INIP: variants seen among roughly 807,000 people sequenced by gnomAD.
INIP encodes the protein INTS3 and NABP interacting protein, also known as SOSS complex subunit C.
A neutral mutation model predicts 14.0 loss-of-function variants in INIP; 9 were observed. The ratio of observed to expected loss-of-function variants is 0.64; its 90% CI spans 0.39 to 1.12. INIP has a LOEUF of 1.12. Among genes scored for constraint, INIP ranks in the 50% most tolerant of loss-of-function variants. INIP has a pLI of 0.01. For synonymous variants in INIP, 37 were observed against 41.5 expected, an observed-to-expected ratio of 0.89 and a Z score of 0.41; for missense variants, 78 against 122.7, an observed-to-expected ratio of 0.64 and a Z score of 1.72.
chr9:112,704,227 G>C lies in INIP; in HGVS notation c.26-9994C>G, dbSNP rs552991294. Among the ~76,000 whole-genome samples, 7 of 152,280 alleles carry C rather than the reference G, an allele frequency of 4.6e-5. No individual in the cohort carries two copies. In the East Asian group the frequency reaches 1.4e-3, roughly 29 times the overall value. On this transcript the variant is annotated intron_variant, in intron 2 of 4. Transcript: ENST00000374242. The stretch of plus-strand genomic sequence containing the variant: ...AATATGTATTTTTAAAGAAGACGCA[G>C]TGGCTGATGAGTTTGATCACACACA...
intron 1 of INIP, among the ~76,000 whole-genome samples, 172 bp from the exon 2 acceptor site, chr9:112,716,713 G>A (rs1486747669): frequency 6.6e-6 from 1 of 152,010 alleles, no homozygotes; most frequent in African/African-American, 2.4e-5. Flanking sequence ...TTGGGAGGCC[G>A]AGGCGGGCGG....
intron 2 of INIP, among the ~76,000 whole-genome samples, chr9:112,706,679 C>T (rs1838479472): frequency 6.6e-6 from 1 of 152,146 alleles, no homozygotes. Context: ...CCCATATAGT[C>T]TCCTGATATA....
At chr9:112,705,110 CAAAAAAAAAAAAA>C (rs1194911436) in intron 2 of INIP, among the ~76,000 whole-genome samples, 1 of 46,040 alleles carries the variant, frequency 2.2e-5, no homozygotes, top group East Asian at 6.3e-4. Flanking sequence ...GACCCTGTCT[CAAAAAAAAAAAAA>C]AAAAAAAAAA....
At position 112,684,221 on chromosome 9, in the gene INIP, TA is replaced by T. The variant is rs1403528166; in HGVS notation, c.*3316del. On this transcript the variant is annotated 3_prime_UTR_variant, in exon 5 of 5. Transcript: ENST00000374242. ...AATTCTTGCTCTCTAAGACTTTACA[TA>T]CTAGTGGAACAGACAATAGACAAAA... 6.6e-6 allele frequency: 1 copy of T among 152,028 alleles called. No homozygotes were observed. The highest frequency in any genetic ancestry group is 6.6e-5 in the Admixed American group (1 of 15,262). The allele number at this position is 152,028 out of a possible 1,614,324, so 9.4% of individuals were successfully genotyped here.
At chr9:112,698,567 A>T (rs1367008605) in intron 2 of INIP, among the ~76,000 whole-genome samples, 1 of 152,216 alleles carries the variant, frequency 6.6e-6, no homozygotes, top group Non-Finnish European at 1.5e-5. Flanking sequence ...TTACAAGTCC[A>T]CTGATTTAGA....
In INIP at chr9:112,687,610, T is replaced by C; in HGVS notation, c.243A>G (p.Gly81=). 1 of 1,592,488 alleles carries C rather than the reference T, an allele frequency of 6.3e-7. No individual in the cohort carries two copies. The highest frequency in any genetic ancestry group is 1.3e-5 in the African/African-American group (1 of 74,812). The change falls in exon 5 of 5, where the codon GGA becomes GGG. Residue 81 remains glycine, a synonymous_variant. Coordinates refer to ENST00000374242, the MANE Select transcript of INIP (RefSeq NM_021218.3). ...ALQHAHAHSS[G]YFITQDSAFG... is the part of the protein sequence containing the mutation. ...ATGCAGAGTCTTGAGTGATGAAGTA[T>C]CCAGATGAATGTGCATGAGCATGCT...
chr9:112,693,253 TA>T (rs1837957768), intron 3 of INIP, among the ~76,000 whole-genome samples: 2 of 152,004 alleles, frequency 1.3e-5, no homozygotes, highest in Admixed American at 1.3e-4. Context: ...TGCTTAAAAA[TA>T]AAAATAAAAG....
chr9:112,702,152 G>C (rs1010219598), intron 2 of INIP, among the ~76,000 whole-genome samples: 45 of 152,140 alleles, frequency 3.0e-4, no homozygotes, highest in African/African-American at 1.0e-3. Context: ...TTTGTCATGA[G>C]CAAAGTAAAT....
intron 2 of INIP, among the ~76,000 whole-genome samples, chr9:112,697,316 C>T (rs1038910689): frequency 2.0e-5 from 3 of 152,158 alleles, no homozygotes; most frequent in African/African-American, 7.2e-5. Flanking sequence ...CAAGACTAGC[C>T]TGGGCAACTT....
intron 2 of INIP, among the ~76,000 whole-genome samples, chr9:112,706,295 G>A (rs577447593): frequency 6.6e-6 from 1 of 152,256 alleles, no homozygotes; most frequent in African/African-American, 2.4e-5. Flanking sequence ...CAGTTTGGAG[G>A]TTCCTCAAAA....
intron 4 of INIP, among the ~76,000 whole-genome samples, chr9:112,688,310 C>T (rs1837756199): frequency 6.6e-6 from 1 of 151,942 alleles, no homozygotes; most frequent in South Asian, 2.1e-4. Flanking sequence ...AAACAAGTAT[C>T]AAAGATCCCA....
chr9:112,687,694 C>A, intron 4 of INIP, 61 bp from the exon 5 acceptor site: 1 of 947,984 alleles, frequency 1.1e-6, no homozygotes, highest in Non-Finnish European at 1.6e-6. Context: ...AATTCTTCGA[C>A]CAAGGCATTA....
intron 2 of INIP, among the ~76,000 whole-genome samples, chr9:112,705,847 G>A (rs1838446234): frequency 6.6e-6 from 1 of 152,142 alleles, no homozygotes; most frequent in Non-Finnish European, 1.5e-5. Context: ...AGGTTAAGAA[G>A]GAGCCATATA....
intron 2 of INIP, among the ~76,000 whole-genome samples, chr9:112,700,518 A>ATATAT (rs1314628341): frequency 0.011 from 1,554 of 139,696 alleles, 30 homozygotes; most frequent in African/African-American, 0.041. Context: ...TAAATTAGGT[A>ATATAT]TATATAATAT....
intron 2 of INIP, among the ~76,000 whole-genome samples, chr9:112,708,223 GA>G (rs1396836321): frequency 2.6e-5 from 4 of 152,148 alleles, no homozygotes; most frequent in African/African-American, 9.7e-5. Flanking sequence ...AAAGCGGGGG[GA>G]GCAGTGTCAG....
chr9:112,698,096 A>G (rs576974336), intron 2 of INIP, among the ~76,000 whole-genome samples: 33 of 152,022 alleles, frequency 2.2e-4, no homozygotes, highest in African/African-American at 7.7e-4. Flanking sequence ...TGAGGTCAGG[A>G]GATTGAGGCC....
chr9:112,694,021 G>T (rs1837986502), intron 3 of INIP, 110 bp downstream of exon 3: 8 of 612,540 alleles, frequency 1.3e-5, no homozygotes, highest in Non-Finnish European at 1.6e-5. Context: ...GCTGCAGTGA[G>T]CCGAGATTGC....
chr9:112,713,020 G>A (rs928449190), intron 2 of INIP, among the ~76,000 whole-genome samples: 2 of 152,122 alleles, frequency 1.3e-5, no homozygotes, highest in African/African-American at 2.4e-5. Context: ...AACACGAAAA[G>A]GCAAGCGAGA....
At chr9:112,697,538 G>A (rs182375765) in intron 2 of INIP, among the ~76,000 whole-genome samples, 6 of 152,174 alleles carry the variant, frequency 3.9e-5, no homozygotes, top group Admixed American at 1.3e-4. Flanking sequence ...AGCCATGATC[G>A]TGCCTTTAAC....
Sources: allele counts gnomAD v4.1 joint callset (sites outside exome capture counted in the v4.1 genomes callset), GRCh38; gene constraint gnomAD v4.1.1; transcripts MANE v1.5; gene names NCBI Gene and HGNC (gene_info 2026-07-23, HGNC 2026-07-21).